The following SUSD1 variants were observed in gnomAD, a reference collection of about 807,000 sequenced individuals.
SUSD1 encodes the protein sushi domain-containing protein 1.
In SUSD1, 65 loss-of-function variants were observed where a neutral mutation model predicts 86.9. The ratio of observed to expected loss-of-function variants is 0.75; its 90% CI spans 0.61 to 0.92. The LOEUF (loss-of-function observed/expected upper bound fraction) is 0.92. Among genes scored for constraint, SUSD1 ranks in the 40% least tolerant of loss-of-function variants. The pLI, the probability that SUSD1 is intolerant of heterozygous loss-of-function variation, is 0.00. For synonymous variants in SUSD1, 346 were observed against 350.0 expected (o/e 0.99, Z 0.13); for missense variants, 850 against 929.7 (o/e 0.91, Z 1.11).
Position 112,102,201 on chromosome 9 carries a change from T to C in SUSD1, c.1256A>G (p.Lys419Arg). ...TTGGTACATGTGTTCTGATCCAACTTTCCTAGAACGCCTGTTCAATTTCAA... is the reference window on the plus strand; with the variant it reads ...TTGGTACATGTGTTCTGATCCAACTCTCCTAGAACGCCTGTTCAATTTCAA... ...TCLKLNRRSRKVGSEHMYQFT... is the reference protein window; with the variant it reads ...TCLKLNRRSRRVGSEHMYQFT... The change falls in exon 9 of 17, where the codon AAA (lysine) becomes AGA (arginine). Residue 419 changes from lysine (K) to arginine (R), a missense_variant. Coordinates refer to ENST00000374270, the MANE Select transcript of SUSD1 (RefSeq NM_022486.5). 1 of 1,600,244 alleles carries C rather than the reference T, an allele frequency of 6.2e-7. No individual in the cohort carries two copies. The highest frequency in any genetic ancestry group is 2.3e-5 in the East Asian group (1 of 44,148).
rs754950372 is a variant in SUSD1, at chr9:112,143,485, G to A, written c.512C>T (p.Ala171Val). 3 of 1,613,328 alleles carry A rather than the reference G, an allele frequency of 1.9e-6. No homozygotes were observed. The highest frequency in any genetic ancestry group is 2.5e-6 in the Non-Finnish European group (3 of 1,179,782). ...GPEPFHPTTD[A>V]TSCTEIDCGT... ...CAGAAACCCACCTGTGCATGATGTG[G>A]CATCGGTGGTCGGGTGGAAAGGTTC... The change falls in exon 4 of 17, where the codon GCC (alanine) becomes GTC (valine). Residue 171 changes from alanine to valine, a missense_variant. Transcript: ENST00000374270.
chr9:112,112,145 C>T (rs1831126501), intron 7 of SUSD1: 2 of 260,700 alleles, frequency 7.7e-6, no homozygotes, highest in African/African-American at 2.2e-5. Flanking sequence ...CAGACGCTCC[C>T]GGGCTTGCTC....
intron 10 of SUSD1, among the ~76,000 whole-genome samples, chr9:112,081,919 T>C (rs1372927700): frequency 6.6e-6 from 1 of 152,240 alleles, no homozygotes; most frequent in Admixed American, 6.5e-5. Context: ...ATATACTTTG[T>C]TAACTTGAAA....
At chr9:112,150,202 A>C (rs974367753) in intron 2 of SUSD1, among the ~76,000 whole-genome samples, 3 of 152,162 alleles carry the variant, frequency 2.0e-5, no homozygotes, top group African/African-American at 7.2e-5. Flanking sequence ...GTACCAGTAA[A>C]ACTCCACCTA....
intron 13 of SUSD1, among the ~76,000 whole-genome samples, chr9:112,060,753 C>T (rs1308558738): frequency 2.6e-5 from 4 of 152,224 alleles, no homozygotes; most frequent in Admixed American, 2.6e-4. Flanking sequence ...AACAAACTTG[C>T]CGGGAGACTT....
chr9:112,173,630 C>T, intron 1 of SUSD1: 1 of 449,378 alleles, frequency 2.2e-6, no homozygotes, highest in South Asian at 1.7e-5. Flanking sequence ...TGGTCTTTGG[C>T]TGGCACAGCC....
intron 11 of SUSD1, 89 bp from the exon 12 acceptor site, chr9:112,078,813 T>A: frequency 1.4e-5 from 7 of 501,964 alleles, no homozygotes; most frequent in Non-Finnish European, 2.0e-5. Context: ...TTCTTTCTCT[T>A]TTTTTTTTTT....
intron 8 of SUSD1, 66 bp from the exon 9 acceptor site, chr9:112,102,351 T>C: frequency 1.3e-6 from 1 of 770,908 alleles, no homozygotes; most frequent in Non-Finnish European, 2.0e-6. Flanking sequence ...CATGGCTGAG[T>C]ACAAGTGAAA....
rs58040511 is a variant in SUSD1 at position 112,099,015 on chromosome 9, T to TTCTCTCTCTCTC, written c.1282-365_1282-354dup. Among the ~76,000 whole-genome samples the TTCTCTCTCTCTC allele has an allele frequency of 2.5e-4, 36 of 145,990 alleles. No homozygotes were observed. The East Asian group carries it at 3.0e-3, about 12-fold the overall frequency. ...TCCTCCTTCCCTTCTGAATACTTCG[T>TTCTCTCTCTCTC]TCTCTCTCTCTCTCTCTCTCTCTCT... On this transcript the variant is annotated intron_variant, in intron 9 of 16. Transcript: ENST00000374270.
intron 6 of SUSD1, among the ~76,000 whole-genome samples, chr9:112,114,078 G>A (rs1831212106): frequency 6.6e-6 from 1 of 152,216 alleles, no homozygotes; most frequent in African/African-American, 2.4e-5. Flanking sequence ...AAGGAGGTCA[G>A]TGAGGTTGCG....
intron 6 of SUSD1, among the ~76,000 whole-genome samples, chr9:112,119,422 A>T (rs1831461828): frequency 6.6e-6 from 1 of 152,190 alleles, no homozygotes; most frequent in Non-Finnish European, 1.5e-5. Context: ...TCACCAGCCA[A>T]ACAGAAGGGA....
intron 12 of SUSD1, among the ~76,000 whole-genome samples, chr9:112,065,294 G>C (rs1412867885): frequency 6.6e-6 from 1 of 152,088 alleles, no homozygotes; most frequent in African/African-American, 2.4e-5. Context: ...AGGCAGAGGT[G>C]GGCGGATCAC....
At chr9:112,157,848 T>C (rs1316610032) in intron 1 of SUSD1, among the ~76,000 whole-genome samples, 1 of 148,520 alleles carries the variant, frequency 6.7e-6, no homozygotes, top group African/African-American at 2.5e-5. Context: ...TTTCAAGACA[T>C]GGTCTTGCTC....
intron 10 of SUSD1, among the ~76,000 whole-genome samples, chr9:112,086,616 G>A (rs1189122188): frequency 6.6e-6 from 1 of 151,718 alleles, no homozygotes; most frequent in African/African-American, 2.4e-5. Context: ...CTGACTACAA[G>A]GAAAGGATTA....
At chr9:112,101,368 G>GA (rs899118212) in intron 9 of SUSD1, among the ~76,000 whole-genome samples, 9 of 151,104 alleles carry the variant, frequency 6.0e-5, no homozygotes, top group Non-Finnish European at 1.0e-4. Flanking sequence ...TCTCAAAAAA[G>GA]AAAAAAAAAT....
intron 7 of SUSD1, 79 bp downstream of exon 7, chr9:112,112,692 C>A: frequency 1.1e-6 from 1 of 921,970 alleles, no homozygotes; most frequent in South Asian, 1.4e-5. Flanking sequence ...GAAGCTCTCA[C>A]GGAAGCAAGT....
chr9:112,142,300 T>G lies in SUSD1; in HGVS notation c.706+20A>C. ...TTCAAGGTGGTATGAATTGGGAACC[T>G]GTATTTTTTGAAAACTCACCTTGGC... On this transcript the variant is annotated intron_variant, in intron 5 of 16. Coordinates refer to ENST00000374270, the MANE Select transcript of SUSD1 (RefSeq NM_022486.5). The G allele has an allele frequency of 6.5e-7, 1 of 1,533,686 alleles. No homozygotes were observed. Among genetic ancestry groups the G allele is most frequent in the Admixed American group, 2.2e-5 (1 of 46,286 alleles).
chr9:112,112,580 G>C (rs930035350), intron 7 of SUSD1, among the ~76,000 whole-genome samples, 191 bp downstream of exon 7: 1 of 151,952 alleles, frequency 6.6e-6, no homozygotes. Flanking sequence ...AGGTTGCAGT[G>C]AGCCAAGATC....
At chr9:112,155,890 A>T (rs13439915) in intron 2 of SUSD1, among the ~76,000 whole-genome samples, 1 of 150,666 alleles carries the variant, frequency 6.6e-6, no homozygotes, top group Non-Finnish European at 1.5e-5. Flanking sequence ...AGAAGGAGAG[A>T]GGGAGAAGGA....
Sources: allele counts gnomAD v4.1 joint callset (sites outside exome capture counted in the v4.1 genomes callset), GRCh38; gene constraint gnomAD v4.1.1; transcripts MANE v1.5; gene names NCBI Gene and HGNC (gene_info 2026-07-23, HGNC 2026-07-21).